Variants in NR2C2 observed in about 807,000 individuals in gnomAD.
NR2C2 encodes the protein nuclear receptor subfamily 2 group C member 2, also known as Nuclear hormone receptor TR4.
In NR2C2, 6 loss-of-function variants were observed where a neutral mutation model predicts 62.9. The observed-to-expected ratio is 0.10, with a 90% CI of 0.05 to 0.19. The LOEUF (loss-of-function observed/expected upper bound fraction) is 0.19. Among genes scored for constraint, NR2C2 ranks in the 10% least tolerant of loss-of-function variants. The pLI, the probability that NR2C2 is intolerant of heterozygous loss-of-function variation, is 1.00. For synonymous variants in NR2C2, 272 were observed against 273.8 expected (o/e 0.99, Z 0.07); for missense variants, 479 against 762.7 (o/e 0.63, Z 4.38).
intron 2 of NR2C2, among the ~76,000 whole-genome samples, chr3:15,010,033 C>T (rs1483838280): frequency 6.6e-6 from 1 of 152,186 alleles, no homozygotes; most frequent in Non-Finnish European, 1.5e-5. Flanking sequence ...AAAGGCCCTA[C>T]TTCCAAGTAA....
At chr3:14,969,278 C>G (rs1247777990) in intron 1 of NR2C2, among the ~76,000 whole-genome samples, 1 of 138,032 alleles carries the variant, frequency 7.2e-6, no homozygotes, top group Non-Finnish European at 1.5e-5. Context: ...CAGAGTCTCA[C>G]TGTGTCACCC....
intron 1 of NR2C2, among the ~76,000 whole-genome samples, chr3:14,995,258 A>G (rs992078034): frequency 1.4e-5 from 2 of 148,134 alleles, no homozygotes; most frequent in African/African-American, 5.0e-5. Flanking sequence ...GGCTTTTCGT[A>G]TATTTACAAT....
chr3:14,986,901 C>T (rs1415411677), intron 1 of NR2C2, among the ~76,000 whole-genome samples: 1 of 152,112 alleles, frequency 6.6e-6, no homozygotes, highest in Admixed American at 6.5e-5. Context: ...TAATCAGCTG[C>T]CCACCAGGAT....
At chr3:14,994,002 G>A (rs2040744576) in intron 1 of NR2C2, among the ~76,000 whole-genome samples, 1 of 152,106 alleles carries the variant, frequency 6.6e-6, no homozygotes, top group South Asian at 2.1e-4. Context: ...TAGAGGCAGG[G>A]CCACATCTGG....
intron 3 of NR2C2, among the ~76,000 whole-genome samples, chr3:15,014,965 G>C (rs1435553999): frequency 6.6e-6 from 1 of 152,166 alleles, no homozygotes; most frequent in Non-Finnish European, 1.5e-5. Context: ...CTTAAAGAAG[G>C]GAAGACTTTT....
Position 14,957,682 on chromosome 3 carries a change from G to A in NR2C2, c.-40+9776G>A, listed in dbSNP as rs114724621. On this transcript the variant is annotated intron_variant, in intron 1 of 13. Coordinates refer to ENST00000425241, the MANE Select transcript of NR2C2 (RefSeq NM_001291694.2). ...GCCCTGTTGTCATTTGTGTGCTATC[G>A]AGGAAAAACACACTACTTTAAGAAT... is the stretch of plus-strand genomic sequence containing the variant. 4.1e-3 allele frequency among the ~76,000 whole-genome samples: 625 copies of A among 152,082 alleles called. 4 individuals are homozygous for A. The highest frequency in any genetic ancestry group is 6.6e-3 in the South Asian group (32 of 4,818).
At chr3:15,005,368 C>CTTTTTTTTT (rs761731325) in intron 2 of NR2C2, among the ~76,000 whole-genome samples, 1 of 83,056 alleles carries the variant, frequency 1.2e-5, no homozygotes, top group African/African-American at 5.4e-5. Flanking sequence ...ACGCATAATG[C>CTTTTTTTTT]TTTTTTTTTT....
At chr3:15,004,459 AC>A (rs2041110027) in intron 2 of NR2C2, 28 of 1,230,090 alleles carry the variant, frequency 2.3e-5, no homozygotes, top group Non-Finnish European at 3.0e-5. Context: ...GGTACCTGGC[AC>A]ATAATAATGT....
intron 6 of NR2C2, 55 bp from the exon 7 acceptor site, chr3:15,024,060 C>G: frequency 8.5e-7 from 1 of 1,176,588 alleles, no homozygotes; most frequent in Admixed American, 1.7e-5. Flanking sequence ...GCAGCATGAT[C>G]ATACTGTGCA....
chr3:15,002,748 T>C (rs1471738425), intron 1 of NR2C2, among the ~76,000 whole-genome samples: 1 of 129,216 alleles, frequency 7.7e-6, no homozygotes, highest in Non-Finnish European at 1.6e-5. Flanking sequence ...AACCTCCGCC[T>C]CCCGGGTTCA....
intron 1 of NR2C2, among the ~76,000 whole-genome samples, chr3:14,997,365 T>C (rs2040862171): frequency 6.6e-6 from 1 of 152,238 alleles, no homozygotes; most frequent in Non-Finnish European, 1.5e-5. Context: ...TATTCCTGTC[T>C]TTAAGCAACA....
At chr3:14,979,600 T>A (rs950321473) in intron 1 of NR2C2, among the ~76,000 whole-genome samples, 2 of 152,054 alleles carry the variant, frequency 1.3e-5, no homozygotes, top group African/African-American at 4.8e-5. Flanking sequence ...GAAACCTGAA[T>A]GAAGTGAGAG....
intron 1 of NR2C2, among the ~76,000 whole-genome samples, chr3:14,992,295 C>A (rs1298355835): frequency 6.6e-6 from 1 of 151,946 alleles, no homozygotes; most frequent in Non-Finnish European, 1.5e-5. Context: ...CATAAACCCC[C>A]CTGTGTCGGT....
rs2042153781 is a variant in NR2C2 at position 15,038,074 on chromosome 3, G to A, written c.1447G>A (p.Ala483Thr). The change falls in exon 12 of 14, where the codon GCG becomes ACG. Residue 483 changes from alanine (A) to threonine (T), a missense_variant. This residue lies in a region of NR2C2 where 162 missense variants were observed against 296.8 expected (regional missense o/e 0.55). Transcript: ENST00000425241. ...WKLQEFCNSM[A>T]KLDIDGYEYA... ...GCTGCAGGAGTTCTGTAACAGCATGGCGAAGCTGGATATAGATGGCTATGA... is the reference window on the plus strand; with the variant it reads ...GCTGCAGGAGTTCTGTAACAGCATGACGAAGCTGGATATAGATGGCTATGA... The A allele has an allele frequency of 6.2e-7, 1 of 1,614,116 alleles. No homozygotes were observed. The highest frequency in any genetic ancestry group is 8.5e-7 in the Non-Finnish European group (1 of 1,180,020).
chr3:14,968,875 T>TATC (rs2039946231), intron 1 of NR2C2, among the ~76,000 whole-genome samples: 1 of 145,718 alleles, frequency 6.9e-6, no homozygotes. Flanking sequence ...CTCAGTAAAC[T>TATC]ATCGCAAGAA....
intron 1 of NR2C2, 146 bp downstream of exon 1, chr3:14,948,052 C>CAT (rs1412537680): frequency 2.0e-5 from 3 of 152,254 alleles, no homozygotes; most frequent in Non-Finnish European, 4.4e-5. Flanking sequence ...CGGCGCTTTG[C>CAT]ATAGTGGGCC....
intron 1 of NR2C2, among the ~76,000 whole-genome samples, chr3:14,949,409 C>G (rs1213341716): frequency 1.3e-5 from 2 of 152,230 alleles, no homozygotes; most frequent in Non-Finnish European, 1.5e-5. Flanking sequence ...TGATCGAGAA[C>G]TGGCTGCTTG....
intron 1 of NR2C2, among the ~76,000 whole-genome samples, chr3:14,988,813 T>C (rs1422554168): frequency 6.6e-6 from 1 of 152,188 alleles, no homozygotes; most frequent in African/African-American, 2.4e-5. Flanking sequence ...TATTCATCCA[T>C]TCATCACATA....
intron 1 of NR2C2, among the ~76,000 whole-genome samples, chr3:14,991,275 A>G (rs1398806672): frequency 6.6e-6 from 1 of 152,218 alleles, no homozygotes; most frequent in East Asian, 1.9e-4. Flanking sequence ...TAACACTGTT[A>G]TTGTAAGGTT....
Sources: allele counts gnomAD v4.1 joint callset (sites outside exome capture counted in the v4.1 genomes callset), GRCh38; gene constraint gnomAD v4.1.1; regional missense constraint gnomAD v4.1.1; transcripts MANE v1.5; gene names NCBI Gene and HGNC (gene_info 2026-07-23, HGNC 2026-07-21).